KCNE1: variants seen among roughly 807,000 people sequenced by gnomAD.
The protein encoded by KCNE1 is potassium voltage-gated channel subfamily E member 1.
A neutral mutation model predicts 2.9 loss-of-function variants in KCNE1; 1 was observed. The observed-to-expected ratio is 0.34, with a 90% CI of 0.12 to 1.62. The LOEUF is 1.62. KCNE1 is among the 40% of genes most tolerant of loss of function. The pLI is 0.36. For synonymous variants in KCNE1, 23 were observed against 65.4 expected (o/e 0.35, Z 3.13); for missense variants, 45 against 150.5 (o/e 0.30, Z 3.67).
At position 34,508,307 on chromosome 21, in the gene KCNE1, C is replaced by T. The variant is rs578252150; in HGVS notation, c.-162+2794G>A. On this transcript the variant is annotated intron_variant, in intron 2 of 3. Coordinates refer to ENST00000399286, the MANE Select transcript of KCNE1 (RefSeq NM_000219.6). ...CTTTCCAAAGTGCTGGGATTATAGG[C>T]GTGAGCCACTGCACTGGCTGGGTTT... 1.4e-4 allele frequency among the ~76,000 whole-genome samples: 22 copies of T among 151,824 alleles called. No homozygotes were observed. The East Asian group carries it at 3.5e-3, about 24-fold the overall frequency.
intron 2 of KCNE1, among the ~76,000 whole-genome samples, chr21:34,501,025 T>C (rs1244434399): frequency 6.6e-6 from 1 of 152,338 alleles, no homozygotes; most frequent in East Asian, 1.9e-4. Flanking sequence ...CAGCCACTTT[T>C]GTCCCAAAGC....
intron 2 of KCNE1, among the ~76,000 whole-genome samples, chr21:34,507,474 C>T (rs1983568355): frequency 1.3e-5 from 2 of 152,114 alleles, no homozygotes; most frequent in African/African-American, 2.4e-5. Context: ...GGCTAGGTCC[C>T]GTAAGCTCAT....
intron 2 of KCNE1, among the ~76,000 whole-genome samples, chr21:34,499,081 C>T (rs7279771): frequency 0.76 from 115,555 of 152,126 alleles, 44,597 homozygotes; most frequent in African/African-American, 0.87. Context: ...CAGCCACTGT[C>T]GGGGGTGAGA....
intron 2 of KCNE1, among the ~76,000 whole-genome samples, chr21:34,504,519 A>T (rs1280629680): frequency 1.3e-5 from 2 of 152,328 alleles, no homozygotes; most frequent in African/African-American, 4.8e-5. Flanking sequence ...CCCAAATGTT[A>T]AACACAGAGC....
intron 2 of KCNE1, among the ~76,000 whole-genome samples, chr21:34,498,937 T>C (rs369910164): frequency 6.6e-6 from 1 of 152,184 alleles, no homozygotes. Flanking sequence ...TCTCAGGTGA[T>C]GGGTGGGGCC....
At chr21:34,504,022 A>G (rs1364992524) in intron 2 of KCNE1, among the ~76,000 whole-genome samples, 1 of 152,182 alleles carries the variant, frequency 6.6e-6, no homozygotes, top group Non-Finnish European at 1.5e-5. Flanking sequence ...CACAGATGTG[A>G]GAAGATGGAG....
intron 2 of KCNE1, among the ~76,000 whole-genome samples, chr21:34,499,020 G>A (rs1358523073): frequency 3.9e-5 from 6 of 152,174 alleles, no homozygotes; most frequent in Non-Finnish European, 8.8e-5. Flanking sequence ...ATCATGTGGG[G>A]GCAGAGTTTG....
intron 2 of KCNE1, among the ~76,000 whole-genome samples, chr21:34,508,891 C>A (rs1032814163): frequency 2.6e-5 from 4 of 152,162 alleles, no homozygotes; most frequent in African/African-American, 9.7e-5. Context: ...ACTAATGGTA[C>A]AAAATTAGCT....
intron 2 of KCNE1, among the ~76,000 whole-genome samples, chr21:34,495,575 A>C (rs1236843345): frequency 8.0e-6 from 1 of 125,190 alleles, no homozygotes; most frequent in Non-Finnish European, 1.7e-5. Context: ...TGGTCTGTTC[A>C]AAGTTTCTGT....
intron 2 of KCNE1, among the ~76,000 whole-genome samples, chr21:34,507,051 A>G (rs984860036): frequency 1.3e-5 from 2 of 152,208 alleles, no homozygotes; most frequent in African/African-American, 4.8e-5. Context: ...TCCAGGGTAC[A>G]TGGATGCATG....
In KCNE1 at chr21:34,500,779, A is replaced by G. The variant is rs572570873; in HGVS notation, c.-162+10322T>C. On this transcript the variant is annotated intron_variant, in intron 2 of 3. Coordinates refer to ENST00000399286, the MANE Select transcript of KCNE1 (RefSeq NM_000219.6). ...TTTCTACTAACAATATATCTTGGAT[A>G]TTATTCCATAGTGGTTAATGGCAGG... 1.7e-3 allele frequency among the ~76,000 whole-genome samples: 258 copies of G among 152,344 alleles called. 3 individuals carry two copies. Among genetic ancestry groups the G allele is most frequent in the Non-Finnish European group, 2.6e-3 (175 of 68,040 alleles).
intron 2 of KCNE1, among the ~76,000 whole-genome samples, chr21:34,509,210 T>A (rs1309875827): frequency 1.3e-5 from 2 of 152,170 alleles, no homozygotes; most frequent in Non-Finnish European, 2.9e-5. Context: ...AGAGCACATG[T>A]AGTGTTGGTA....
In KCNE1 at chr21:34,451,745, C is replaced by T. The variant is rs78721772; in HGVS notation, c.-50-2061G>A. ...TGTTACCTGCTCTCTTCTCTTCCTACTCTCCTCTCTCCCAGGGTGACTGCA... is the reference window on the plus strand; with the variant it reads ...TGTTACCTGCTCTCTTCTCTTCCTATTCTCCTCTCTCCCAGGGTGACTGCA... On this transcript the variant is annotated intron_variant, in intron 3 of 3. Coordinates refer to ENST00000399286, the MANE Select transcript of KCNE1 (RefSeq NM_000219.6). Among the ~76,000 whole-genome samples the T allele has an allele frequency of 1.6e-4, 10 of 63,494 alleles. 4 individuals carry two copies. In the South Asian group the frequency reaches 5.0e-3, roughly 32 times the overall value. The allele number at this position is 63,494 out of a possible 152,430, so 41.7% of individuals were successfully genotyped here. A position where few individuals can be genotyped will look rare whatever the true frequency, so the allele number is the denominator to read the frequency against.
intron 2 of KCNE1, among the ~76,000 whole-genome samples, chr21:34,501,197 G>A (rs1185360646): frequency 6.6e-6 from 1 of 152,208 alleles, no homozygotes; most frequent in Non-Finnish European, 1.5e-5. Context: ...CTCATGAAGA[G>A]GGTTGAGGGA....
chr21:34,506,077 T>C (rs1304370129), intron 2 of KCNE1, among the ~76,000 whole-genome samples: 4 of 152,200 alleles, frequency 2.6e-5, no homozygotes, highest in Admixed American at 6.5e-5. Flanking sequence ...AGGAGATTAT[T>C]TTGTTCTTGA....
At chr21:34,506,139 A>G (rs1336146929) in intron 2 of KCNE1, among the ~76,000 whole-genome samples, 1 of 152,234 alleles carries the variant, frequency 6.6e-6, no homozygotes, top group African/African-American at 2.4e-5. Context: ...ATTCAGAATT[A>G]TGTGGCTATA....
chr21:34,497,319 T>C (rs1263350179), intron 2 of KCNE1, among the ~76,000 whole-genome samples: 1 of 152,332 alleles, frequency 6.6e-6, no homozygotes, highest in South Asian at 2.1e-4. Flanking sequence ...TGGTGTATTT[T>C]GAGGTTTCGT....
intron 2 of KCNE1, among the ~76,000 whole-genome samples, chr21:34,502,862 T>A (rs1030571556): frequency 1.3e-5 from 2 of 152,194 alleles, no homozygotes; most frequent in African/African-American, 4.8e-5. Context: ...GGCTTTAGAG[T>A]CTCTGAGCTC....
intron 2 of KCNE1, among the ~76,000 whole-genome samples, chr21:34,508,853 G>A (rs1983664315): frequency 6.6e-6 from 1 of 152,200 alleles, no homozygotes; most frequent in African/African-American, 2.4e-5. Flanking sequence ...CTTTACTACA[G>A]TAGTATAGTT....
Sources: gnomAD v4.1 joint callset for allele counts (sites outside exome capture counted in the v4.1 genomes callset) on GRCh38, gnomAD v4.1.1 for gene constraint, MANE v1.5 for transcripts, NCBI Gene and HGNC (gene_info 2026-07-23, HGNC 2026-07-21) for gene names.